The following STRN3 variants were observed in gnomAD, a reference collection of about 807,000 sequenced individuals.
The protein encoded by STRN3 is striatin-3.
In STRN3, 29 loss-of-function variants were observed where a neutral mutation model predicts 95.6. The observed-to-expected ratio is 0.30, with a 90% CI of 0.23 to 0.41. STRN3 has a LOEUF of 0.41. STRN3 is among the 10% of genes least tolerant of loss of function. The pLI is 1.00. For synonymous variants in STRN3, 331 were observed against 357.6 expected (o/e 0.93, Z 0.84); for missense variants, 890 against 972.1 (o/e 0.92, Z 1.12).
intron 3 of STRN3, among the ~76,000 whole-genome samples, chr14:30,951,979 AT>A (rs1879663574): frequency 6.6e-6 from 1 of 152,096 alleles, no homozygotes; most frequent in East Asian, 1.9e-4. Flanking sequence ...TTAGCCAGGT[AT>A]GGCGGCACAT....
chr14:30,922,420 A>G (rs947218541), intron 8 of STRN3, among the ~76,000 whole-genome samples: 8 of 152,068 alleles, frequency 5.3e-5, no homozygotes, highest in African/African-American at 1.7e-4. Context: ...GACTGACACA[A>G]TGAAAAACAT....
intron 4 of STRN3, among the ~76,000 whole-genome samples, chr14:30,949,473 T>C (rs891214177): frequency 1.1e-4 from 16 of 152,276 alleles, no homozygotes; most frequent in Admixed American, 9.2e-4. Context: ...TAGCCGGGCA[T>C]GGTGGCATGC....
chr14:31,026,066 G>A lies in STRN3; in HGVS notation c.120C>T (p.Gly40=), dbSNP rs1335813639. 4 of 1,516,678 alleles carry A rather than the reference G, an allele frequency of 2.6e-6. No individual in the cohort carries two copies. Among genetic ancestry groups the A allele is most frequent in the Non-Finnish European group, 3.5e-6 (4 of 1,134,534 alleles). The allele number at this position is 1,516,678 out of a possible 1,614,324, so 94.0% of individuals were successfully genotyped here. A position where few individuals can be genotyped will look rare whatever the true frequency, so the allele number is the denominator to read the frequency against. ...CTCCCTCGGAGGCCGGAGGACCCCC[G>A]CCGCCCGCCGCTCCGTTCCCCCCGG... The part of the protein sequence containing the change: ...LSPGGNGAAG[G]GGPPASEGAG... Residue 40 remains glycine, a synonymous_variant, in exon 1 of 18, where the codon GGC becomes GGT. Coordinates refer to ENST00000357479, the MANE Select transcript of STRN3 (RefSeq NM_001083893.2).
chr14:31,002,058 C>G (rs558595173), intron 1 of STRN3, among the ~76,000 whole-genome samples: 1 of 149,630 alleles, frequency 6.7e-6, no homozygotes, highest in Non-Finnish European at 1.5e-5. Flanking sequence ...CCTAGCTACT[C>G]GGGAGGCTGA....
chr14:30,919,223 T>C, intron 8 of STRN3, 117 bp from the exon 9 acceptor site: 1 of 1,099,718 alleles, frequency 9.1e-7, no homozygotes. Flanking sequence ...GTTATTAAAA[T>C]ATCAGAAAAT....
intron 1 of STRN3, among the ~76,000 whole-genome samples, chr14:30,972,146 C>CT (rs774115303): frequency 5.9e-5 from 9 of 152,284 alleles, no homozygotes; most frequent in Non-Finnish European, 1.3e-4. Context: ...GTAAAGCAAT[C>CT]TTTTTCGATT....
intron 1 of STRN3, among the ~76,000 whole-genome samples, chr14:31,009,466 C>G (rs559314382): frequency 6.6e-6 from 1 of 152,164 alleles, no homozygotes; most frequent in Admixed American, 6.5e-5. Context: ...CCCATGGGAG[C>G]AAAACTACCC....
chr14:30,974,590 C>T (rs1199119962), intron 1 of STRN3, among the ~76,000 whole-genome samples: 1 of 136,490 alleles, frequency 7.3e-6, no homozygotes, highest in Non-Finnish European at 1.5e-5. Flanking sequence ...CTCAAGGAAC[C>T]CCAAATAGCA....
chr14:31,022,358 C>T (rs185977442), intron 1 of STRN3, among the ~76,000 whole-genome samples: 119 of 143,442 alleles, frequency 8.3e-4, no homozygotes, highest in South Asian at 3.3e-3. Context: ...CCAGCCTGGG[C>T]GACAGTAGAG....
At position 31,016,836 on chromosome 14, in the gene STRN3, C is replaced by T. The variant is rs375737527; in HGVS notation, c.282+9068G>A. Among the ~76,000 whole-genome samples the T allele has an allele frequency of 2.5e-4, 38 of 152,220 alleles. No individual in the cohort carries two copies. The South Asian group carries it at 7.5e-3, about 30-fold the overall frequency. ...GGGATTACAGTCATGAGCCACTGCGCCCAGCCAAAAAATAATTTTTAAAAA... is the reference window on the plus strand; with the variant it reads ...GGGATTACAGTCATGAGCCACTGCGTCCAGCCAAAAAATAATTTTTAAAAA... On this transcript the variant is annotated intron_variant, in intron 1 of 17. Coordinates refer to ENST00000357479, the MANE Select transcript of STRN3 (RefSeq NM_001083893.2).
chr14:30,960,808 G>A (rs1403973258), intron 1 of STRN3, among the ~76,000 whole-genome samples: 3 of 142,508 alleles, frequency 2.1e-5, no homozygotes, highest in Non-Finnish European at 3.0e-5. Context: ...GGCGGAGCTT[G>A]CAGTGAGCTG....
At chr14:31,025,703 G>T in intron 1 of STRN3, 1 of 786,214 alleles carries the variant, frequency 1.3e-6, no homozygotes, top group South Asian at 1.8e-5. Flanking sequence ...GCCAGTGAAG[G>T]TTGGGGAGCA....
chr14:31,013,383 A>C (rs942196914), intron 1 of STRN3, among the ~76,000 whole-genome samples: 9 of 152,064 alleles, frequency 5.9e-5, no homozygotes, highest in Admixed American at 1.3e-4. Context: ...CAAAAAAAAA[A>C]CAAAAAAATT....
intron 1 of STRN3, among the ~76,000 whole-genome samples, chr14:31,000,644 A>G (rs1434631058): frequency 6.6e-6 from 1 of 152,112 alleles, no homozygotes; most frequent in Non-Finnish European, 1.5e-5. Context: ...TTCCCCAGGG[A>G]CCCTGTTTAA....
At chr14:30,946,979 CAAAAAAAAA>C in intron 5 of STRN3, 102 bp downstream of exon 5, 1 of 441,552 alleles carries the variant, frequency 2.3e-6, no homozygotes, top group South Asian at 5.6e-5. Flanking sequence ...GACTCCGTGT[CAAAAAAAAA>C]AAAAAAAAAG....
intron 9 of STRN3, among the ~76,000 whole-genome samples, chr14:30,914,139 G>A (rs1940693623): frequency 6.6e-6 from 1 of 152,140 alleles, no homozygotes; most frequent in Non-Finnish European, 1.5e-5. Flanking sequence ...AGAAGTACTA[G>A]GCATCCTAGT....
At chr14:30,977,159 G>C (rs1027736606) in intron 1 of STRN3, among the ~76,000 whole-genome samples, 5 of 152,152 alleles carry the variant, frequency 3.3e-5, no homozygotes, top group Non-Finnish European at 5.9e-5. Flanking sequence ...CCAGGAGGCA[G>C]AGGCTGCAGT....
intron 16 of STRN3, among the ~76,000 whole-genome samples, chr14:30,898,728 C>T (rs936283240): frequency 2.0e-5 from 3 of 152,196 alleles, no homozygotes; most frequent in African/African-American, 4.8e-5. Context: ...CGTGCTTCTG[C>T]TAATACTCTA....
intron 13 of STRN3, among the ~76,000 whole-genome samples, chr14:30,908,474 A>T (rs759423298): frequency 2.5e-4 from 38 of 152,172 alleles, no homozygotes; most frequent in Non-Finnish European, 5.0e-4. Context: ...GACATGAAAG[A>T]TTATCCAGAG....
Sources: gnomAD v4.1 joint callset for allele counts (sites outside exome capture counted in the v4.1 genomes callset) on GRCh38, gnomAD v4.1.1 for gene constraint, MANE v1.5 for transcripts, NCBI Gene and HGNC (gene_info 2026-07-23, HGNC 2026-07-21) for gene names.